Variants in ZFR2 observed in about 807,000 individuals in gnomAD.
The protein encoded by ZFR2 is zinc finger RNA binding protein 2.
Under a neutral mutation model 105.7 loss-of-function variants are expected in ZFR2, and 104 were observed. The observed-to-expected ratio is 0.98, with a 90% CI of 0.84 to 1.16. The LOEUF (loss-of-function observed/expected upper bound fraction) is 1.16, where lower values mean the gene tolerates loss of function less well. Among genes scored for constraint, ZFR2 ranks in the 50% most tolerant of loss-of-function variants. The pLI, the probability that ZFR2 is intolerant of heterozygous loss-of-function variation, is 0.00. For synonymous variants in ZFR2, 634 were observed against 597.7 expected, an observed-to-expected ratio of 1.06 and a Z score of -0.89; for missense variants, 1,425 against 1,355.5, an observed-to-expected ratio of 1.05 and a Z score of -0.80.
intron 1 of ZFR2, among the ~76,000 whole-genome samples, chr19:3,859,855 A>G (rs973110351): frequency 5.9e-5 from 9 of 152,194 alleles, no homozygotes; most frequent in Admixed American, 5.9e-4. Flanking sequence ...TTACACATTC[A>G]TACCCGTAAC....
Position 3,833,701 on chromosome 19 carries a change from C to T in ZFR2, c.342G>A (p.Gln114=). Residue 114 remains glutamine, a synonymous_variant, in exon 3 of 19, where the codon CAG becomes CAA. Transcript: ENST00000262961. The part of the protein sequence containing the change: ...DRPYFQSAAL[Q]SGRMTAADSG... ...AGTCTGCGGCTGTCATGCGCCCAGA[C>T]TGGAGGGCAGCAGACTGGAAGTACG... 1.3e-6 allele frequency: 2 copies of T among 1,575,786 alleles called. No homozygotes were observed. Among genetic ancestry groups the T allele is most frequent in the Non-Finnish European group, 1.7e-6 (2 of 1,160,670 alleles).
chr19:3,846,606 A>T (rs2038186952), intron 1 of ZFR2, among the ~76,000 whole-genome samples: 1 of 152,218 alleles, frequency 6.6e-6, no homozygotes, highest in Non-Finnish European at 1.5e-5. Flanking sequence ...GCATCTTTAA[A>T]AAAAGACTGT....
At chr19:3,821,052 C>A (rs2037886631) in intron 10 of ZFR2, among the ~76,000 whole-genome samples, 1 of 151,896 alleles carries the variant, frequency 6.6e-6, no homozygotes, top group Non-Finnish European at 1.5e-5. Flanking sequence ...TCACAAGGCA[C>A]CTCTGCAGCC....
chr19:3,829,221 C>G lies in ZFR2; in HGVS notation c.853-1568G>C, dbSNP rs574391833. Among the ~76,000 whole-genome samples, 334 of 150,598 alleles carry G rather than the reference C, an allele frequency of 2.2e-3. 3 individuals carry two copies. Among genetic ancestry groups the G allele is most frequent in the African/African-American group, 7.8e-3 (321 of 40,946 alleles). ...AGGCGATCCTCCCACCTCAGCCTCC[C>G]AAAGTGCTGGGATTACAGGTGTGAG... is the stretch of plus-strand genomic sequence containing the variant. On this transcript the variant is annotated intron_variant, in intron 5 of 18. Coordinates refer to ENST00000262961, the MANE Select transcript of ZFR2 (RefSeq NM_015174.2).
intron 11 of ZFR2, among the ~76,000 whole-genome samples, 178 bp from the exon 12 acceptor site, chr19:3,819,413 G>A (rs2037864720): frequency 6.6e-6 from 1 of 152,156 alleles, no homozygotes; most frequent in African/African-American, 2.4e-5. Flanking sequence ...GAAGTACCTC[G>A]GGCTGCCCCG....
At position 3,834,451 on chromosome 19, in the gene ZFR2, G is replaced by T. The variant is rs2038055632; in HGVS notation, c.264+322C>A. Reference sequence around the variant, plus strand: ...GGCCATCTGCCCTGACCAGGGAGGGGTCCTGTAACCCAGGCGACCCTCCTC... The same window carrying T: ...GGCCATCTGCCCTGACCAGGGAGGGTTCCTGTAACCCAGGCGACCCTCCTC... On this transcript the variant is annotated intron_variant, in intron 2 of 18. Transcript: ENST00000262961. The surrounding 1 kb of genome is among the most constrained non-coding windows in gnomAD (Gnocchi z 5.3). Among the ~76,000 whole-genome samples, 1 of 152,090 alleles carries T rather than the reference G, an allele frequency of 6.6e-6. No homozygotes were observed. The highest frequency in any genetic ancestry group is 2.4e-5 in the African/African-American group (1 of 41,410).
intron 1 of ZFR2, chr19:3,852,683 T>G (rs2038253906): frequency 3.0e-6 from 2 of 670,384 alleles, no homozygotes; most frequent in South Asian, 3.3e-5. Context: ...GAAGGCATTT[T>G]GGCAACAATC....
rs537770693 is a variant in ZFR2, at chr19:3,812,767, C to A, written c.2242+1053G>T. On this transcript the variant is annotated intron_variant, in intron 14 of 18. Transcript: ENST00000262961. Reference sequence around the variant, plus strand: ...TCAAGGCTCTTATTAAAAAACAAAACAAAACACTTAAGCTTTAAAAAACAA... The same window carrying A: ...TCAAGGCTCTTATTAAAAAACAAAAAAAAACACTTAAGCTTTAAAAAACAA... 5.0e-3 allele frequency among the ~76,000 whole-genome samples: 753 copies of A among 151,960 alleles called. 8 individuals are homozygous for A. The highest frequency in any genetic ancestry group is 0.017 in the African/African-American group (703 of 41,280).
chr19:3,810,752 A>G lies in ZFR2; in HGVS notation c.2431T>C (p.Trp811Arg). The change falls in exon 16 of 19, where the codon TGG becomes CGG. Residue 811 changes from tryptophan (W) to arginine (R), a missense_variant and splice_region_variant. Coordinates refer to ENST00000262961, the MANE Select transcript of ZFR2 (RefSeq NM_015174.2). The part of the protein sequence containing the change: ...RVPTWGALPA[W>R]AMELLVEKAV... ...CGGGCCGCCAGGCACTGCCTTACCC[A>G]GGCTGGCAGGGCCCCCCAGGTGGGC... The G allele has an allele frequency of 1.2e-5, 19 of 1,549,090 alleles. No individual in the cohort carries two copies. The highest frequency in any genetic ancestry group is 1.7e-5 in the Non-Finnish European group (19 of 1,146,242).
At chr19:3,856,682 A>G (rs2038305681) in intron 1 of ZFR2, among the ~76,000 whole-genome samples, 1 of 152,324 alleles carries the variant, frequency 6.6e-6, no homozygotes. Context: ...CTCACAGGCT[A>G]CAGGGCCCAG....
chr19:3,848,335 G>C (rs1390995533), intron 1 of ZFR2, among the ~76,000 whole-genome samples: 1 of 150,904 alleles, frequency 6.6e-6, no homozygotes, highest in East Asian at 2.0e-4. Flanking sequence ...TCGCTTGAAT[G>C]GGGGAGGTGG....
At chr19:3,825,111 C>T (rs935884461) in intron 7 of ZFR2, 119 bp downstream of exon 7, 4 of 1,254,024 alleles carry the variant, frequency 3.2e-6, no homozygotes, top group African/African-American at 3.2e-5. Flanking sequence ...CAGCCAGCCC[C>T]TCACCACCCC....
intron 1 of ZFR2, among the ~76,000 whole-genome samples, chr19:3,847,018 G>A (rs1269370065): frequency 1.3e-5 from 2 of 152,236 alleles, no homozygotes; most frequent in Non-Finnish European, 2.9e-5. Context: ...CTGCTTCCAA[G>A]ATGCCTTCCT....
chr19:3,817,213 A>G (rs1487338340), intron 12 of ZFR2, among the ~76,000 whole-genome samples: 2 of 152,094 alleles, frequency 1.3e-5, no homozygotes, highest in African/African-American at 2.4e-5. Flanking sequence ...GGTTCCAGAG[A>G]GGACAGAAAG....
intron 1 of ZFR2, chr19:3,856,832 G>C (rs2038307646): frequency 6.6e-6 from 1 of 152,234 alleles, no homozygotes; most frequent in African/African-American, 2.4e-5. Flanking sequence ...CCTGGTTCAA[G>C]CGATTCTCCT....
Position 3,827,460 on chromosome 19 carries a change from C to G in ZFR2, c.1035+11G>C, listed in dbSNP as rs778225271. On this transcript the variant is annotated intron_variant, in intron 6 of 18. Transcript: ENST00000262961. ...CCAGGGTGGCAGAGCCTGGGCCGGG[C>G]GGGGCCGTACCTTCTGGTGCTTGGA... 5 of 1,527,248 alleles carry G rather than the reference C, an allele frequency of 3.3e-6. No individual in the cohort carries two copies. Among genetic ancestry groups the G allele is most frequent in the Non-Finnish European group, 3.5e-6 (4 of 1,136,942 alleles). 94.6% of individuals were successfully genotyped at this position (1,527,248 alleles called of 1,614,324 possible). A position where few individuals can be genotyped will look rare whatever the true frequency, so the allele number is the denominator to read the frequency against.
At chr19:3,821,779 A>C (rs566352291) in intron 9 of ZFR2, among the ~76,000 whole-genome samples, 2 of 151,594 alleles carry the variant, frequency 1.3e-5, no homozygotes, top group African/African-American at 4.8e-5. Flanking sequence ...ACACCTGGCT[A>C]ATTTTTGTAT....
intron 13 of ZFR2, among the ~76,000 whole-genome samples, chr19:3,814,187 T>C (rs530566114): frequency 1.3e-5 from 2 of 152,266 alleles, no homozygotes; most frequent in African/African-American, 2.4e-5. Context: ...ACAGATCATG[T>C]GATGCAAGGA....
intron 1 of ZFR2, among the ~76,000 whole-genome samples, chr19:3,861,176 G>A (rs1387603822): frequency 1.3e-5 from 2 of 152,020 alleles, no homozygotes; most frequent in Admixed American, 6.6e-5. Flanking sequence ...ACAAGTAAAC[G>A]ACTCACAATA....
Sources: allele counts gnomAD v4.1 joint callset (sites outside exome capture counted in the v4.1 genomes callset), GRCh38; gene constraint gnomAD v4.1.1; non-coding constraint Gnocchi (gnomAD v3.1); transcripts MANE v1.5; gene names NCBI Gene and HGNC (gene_info 2026-07-23, HGNC 2026-07-21).